Variants in SLC19A1 observed in about 807,000 individuals in gnomAD.
The protein encoded by SLC19A1 is reduced folate transporter.
SLC19A1 carries 37 observed loss-of-function variants against 35.3 expected under a neutral mutation model. The ratio of observed to expected loss-of-function variants is 1.05; its 90% CI spans 0.81 to 1.38. SLC19A1 has a LOEUF of 1.38. SLC19A1 is among the 40% of genes most tolerant of loss of function. SLC19A1 has a pLI of 0.00. For missense variants in SLC19A1, 831 were observed against 826.9 expected (o/e 1.00, Z -0.06); for synonymous variants, 460 against 398.5 (o/e 1.15, Z -1.84).
upstream of SLC19A1, among the ~76,000 whole-genome samples, chr21:45,542,699 C>T (rs1379730572): frequency 3.3e-5 from 5 of 150,760 alleles, no homozygotes; most frequent in Non-Finnish European, 7.4e-5. Flanking sequence ...CTCGGGCCCC[C>T]ACCCCCGCCG....
At chr21:45,532,790 T>C (rs772675348) in intron 2 of SLC19A1, among the ~76,000 whole-genome samples, 1 of 152,184 alleles carries the variant, frequency 6.6e-6, no homozygotes, top group African/African-American at 2.4e-5. Context: ...TTAAACAATA[T>C]GGAAAACACA....
At chr21:45,560,955 T>C (rs2146519850) in intron 1 of SLC19A1, among the ~76,000 whole-genome samples, 1 of 152,218 alleles carries the variant, frequency 6.6e-6, no homozygotes, top group East Asian at 1.9e-4. Context: ...GCTGCTGCTC[T>C]TACAACTGCT....
intron 3 of SLC19A1, chr21:45,503,962 C>T (rs376333351): frequency 5.0e-5 from 80 of 1,609,496 alleles, no homozygotes; most frequent in South Asian, 1.8e-4. Flanking sequence ...GGGAACCCGG[C>T]GCTGTCAGAC....
In SLC19A1 at chr21:45,540,524, G is replaced by C. The variant is rs2078270912; in HGVS notation, c.-50+1844C>G. On this transcript the variant is annotated intron_variant, in intron 1 of 5. Coordinates refer to ENST00000311124, the MANE Select transcript of SLC19A1 (RefSeq NM_194255.4). This position sits in a 1 kb window ranked among gnomAD's most constrained non-coding sequence, Gnocchi z 5.5. ...TCTCCGCCAGCAAGGGGCTGCTGCTGGTCTTAACAGTCAGCCTCTGCTGCC... is the reference window on the plus strand; with the variant it reads ...TCTCCGCCAGCAAGGGGCTGCTGCTCGTCTTAACAGTCAGCCTCTGCTGCC... Among the ~76,000 whole-genome samples the C allele has an allele frequency of 6.6e-6, 1 of 152,206 alleles. No individual in the cohort carries two copies. Among genetic ancestry groups the C allele is most frequent in the Non-Finnish European group, 1.5e-5 (1 of 68,038 alleles).
At chr21:45,528,382 C>G (rs963501424) in intron 4 of SLC19A1, among the ~76,000 whole-genome samples, 1 of 152,062 alleles carries the variant, frequency 6.6e-6, no homozygotes, top group African/African-American at 2.4e-5. Flanking sequence ...CCCAGATCAG[C>G]AGGGAGGAAA....
chr21:45,548,792 A>G (rs1034673904), upstream of SLC19A1, among the ~76,000 whole-genome samples: 3 of 152,166 alleles, frequency 2.0e-5, no homozygotes, highest in East Asian at 5.8e-4. Context: ...GAACACTTAA[A>G]TAAGACGTGA....
intron 5 of SLC19A1, among the ~76,000 whole-genome samples, chr21:45,525,587 A>G (rs768079345): frequency 2.0e-5 from 3 of 152,196 alleles, no homozygotes; most frequent in African/African-American, 4.8e-5. Flanking sequence ...AGCTGCTCCC[A>G]CTGAGGCCCA....
chr21:45,507,263 G>A, intron 3 of SLC19A1: 4 of 493,236 alleles, frequency 8.1e-6, no homozygotes, highest in Non-Finnish European at 1.5e-5. Context: ...GGGCAGGGAG[G>A]GCAACCTGCT....
downstream of SLC19A1, chr21:45,511,368 G>A: frequency 1.5e-6 from 1 of 680,442 alleles, no homozygotes; most frequent in South Asian, 1.5e-5. Flanking sequence ...AAATCCAAAA[G>A]AGCATTGAGA....
downstream of SLC19A1, chr21:45,509,980 G>C (rs1484982781): frequency 6.8e-7 from 1 of 1,460,976 alleles, no homozygotes; most frequent in Non-Finnish European, 9.2e-7. Flanking sequence ...GTCCACACAG[G>C]TGCGGGGCCG....
In SLC19A1 at chr21:45,507,225, G is replaced by A. The variant is rs537973163; in HGVS notation, c.498-8613C>T. 2.2e-4 allele frequency: 62 copies of A among 284,574 alleles called. 2 individuals carry two copies. Among genetic ancestry groups the A allele is most frequent in the South Asian group, 1.4e-3 (40 of 29,622 alleles). 17.6% of individuals were successfully genotyped at this position (284,574 alleles called of 1,614,324 possible). A position where few individuals can be genotyped will look rare whatever the true frequency, so the allele number is the denominator to read the frequency against. On this transcript the variant is annotated intron_variant, in intron 3 of 4. Coordinates refer to the SLC19A1 transcript ENST00000417954. ...CACCCTCCTGTGGGCTGGGAGGGCC[G>A]GGTGTTGGGGAGGGAGAGGTGGGTG...
rs2037744189 is a variant in SLC19A1, at chr21:45,513,758, GAC to G, written c.*1898_*1899del. The G allele has an allele frequency of 6.6e-6, 1 of 152,254 alleles. No individual in the cohort carries two copies. The highest frequency in any genetic ancestry group is 6.5e-5 in the Admixed American group (1 of 15,290). The allele number at this position is 152,254 out of a possible 1,614,324, so 9.4% of individuals were successfully genotyped here. On this transcript the variant is annotated 3_prime_UTR_variant, in exon 6 of 6. Transcript: ENST00000311124. ...AAGCAGCCTTCACTGTCACAGGAAG[GAC>G]ACAATTCTCCAAAAGGAGTTCTCAG...
rs551338872 is a variant in SLC19A1, at chr21:45,533,049, T to G, written c.190-901A>C. ...TCACACTTGTCCCCAGAGCAAGGTC[T>G]TTAAGGCCAGACTCCAACCCAGGAG... On this transcript the variant is annotated intron_variant, in intron 2 of 5. Transcript: ENST00000311124. This position sits in a 1 kb window ranked among gnomAD's most constrained non-coding sequence, Gnocchi z 4.5. Among the ~76,000 whole-genome samples the G allele has an allele frequency of 4.7e-4, 72 of 152,318 alleles. 1 individual carries two copies. The South Asian group carries it at 0.013, about 27-fold the overall frequency.
downstream of SLC19A1, chr21:45,510,975 AC>A (rs2037553907): frequency 6.3e-4 from 22 of 34,774 alleles, 1 homozygote; most frequent in African/African-American, 2.3e-3. Flanking sequence ...ACCCCCAAAC[AC>A]CCCCCACACC....
chr21:45,537,286 C>A (rs1161251196), intron 2 of SLC19A1, among the ~76,000 whole-genome samples: 1 of 152,138 alleles, frequency 6.6e-6, no homozygotes, highest in Non-Finnish European at 1.5e-5. Flanking sequence ...AGTGTGAGAC[C>A]CCAGCCGGGT....
At position 45,504,276 on chromosome 21, in the gene SLC19A1, C is replaced by T. The variant is rs1007807865; in HGVS notation, c.498-5664G>A. 1.3e-5 allele frequency: 12 copies of T among 930,954 alleles called. No homozygotes were observed. The African/African-American group carries it at 1.8e-4, about 14-fold the overall frequency. 57.7% of individuals were successfully genotyped at this position (930,954 alleles called of 1,614,324 possible). A position where few individuals can be genotyped will look rare whatever the true frequency, so the allele number is the denominator to read the frequency against. On this transcript the variant is annotated intron_variant, in intron 3 of 4. Coordinates refer to the SLC19A1 transcript ENST00000417954. ...ATGCAGTGGGAGGTGGGGAGTCGAG[C>T]CCTATTCTATGCAGCCAGCAGCTCC...
chr21:45,515,073 C>T lies in SLC19A1; in HGVS notation c.*585G>A. 1 of 1,545,776 alleles carries T rather than the reference C, an allele frequency of 6.5e-7. No individual in the cohort carries two copies. The highest frequency in any genetic ancestry group is 8.7e-7 in the Non-Finnish European group (1 of 1,145,464). On this transcript the variant is annotated 3_prime_UTR_variant, in exon 6 of 6. Transcript: ENST00000311124. ...GCTCCGAGGACCAGAGCCGCTGCTC[C>T]CCTCTGATGACAATGTGTCTGCCGC... is the stretch of plus-strand genomic sequence containing the variant.
intron 5 of SLC19A1, among the ~76,000 whole-genome samples, chr21:45,520,170 T>C (rs1382833273): frequency 6.6e-6 from 1 of 152,140 alleles, no homozygotes; most frequent in Non-Finnish European, 1.5e-5. Flanking sequence ...ATTTGTGGGA[T>C]GCAACTAAAG....
intron 3 of SLC19A1, chr21:45,505,741 G>C: frequency 9.7e-7 from 1 of 1,027,016 alleles, no homozygotes; most frequent in South Asian, 1.4e-5. Context: ...AAGCCCTGCG[G>C]CCCCTGCCCA....
Sources: allele counts gnomAD v4.1 joint callset (sites outside exome capture counted in the v4.1 genomes callset), GRCh38; gene constraint gnomAD v4.1.1; non-coding constraint Gnocchi (gnomAD v3.1); transcripts MANE v1.5; gene names NCBI Gene and HGNC (gene_info 2026-07-23, HGNC 2026-07-21).